The following TGFB2 variants were observed in gnomAD, a reference collection of about 807,000 sequenced individuals.
TGFB2 encodes the protein transforming growth factor beta 2.
In TGFB2, 13 loss-of-function variants were observed where a neutral mutation model predicts 42.7. That is an observed-to-expected ratio of 0.30 (90% CI 0.20 to 0.48). The LOEUF is 0.48. Ranked by LOEUF, TGFB2 falls within the 20% of genes least tolerant of loss-of-function variation. TGFB2 has a pLI of 0.99. For synonymous variants in TGFB2, 193 were observed against 193.6 expected, an observed-to-expected ratio of 1.00 and a Z score of 0.03; for missense variants, 390 against 517.5, an observed-to-expected ratio of 0.75 and a Z score of 2.39.
In TGFB2 at chr1:218,433,405, G is replaced by A. The variant is rs10482806; in HGVS notation, c.511-677G>A. 4.0e-3 allele frequency among the ~76,000 whole-genome samples: 614 copies of A among 152,290 alleles called. 4 individuals are homozygous for A. Among genetic ancestry groups the A allele is most frequent in the African/African-American group, 0.014 (595 of 41,550 alleles). ...TCCTAAAGCCTCAGTGTTTAGGCTG[G>A]TTTGCTTTCAGATATTCATCTATGC... On this transcript the variant is annotated intron_variant, in intron 2 of 6. Coordinates refer to ENST00000366930, the MANE Select transcript of TGFB2 (RefSeq NM_003238.6).
intron 2 of TGFB2, among the ~76,000 whole-genome samples, chr1:218,422,834 A>G (rs1328326153): frequency 6.6e-6 from 1 of 152,214 alleles, no homozygotes; most frequent in Non-Finnish European, 1.5e-5. Flanking sequence ...CCAGTGCTTA[A>G]TATTTGTTGA....
At chr1:218,386,749 T>C (rs568274576) in intron 1 of TGFB2, among the ~76,000 whole-genome samples, 6 of 152,358 alleles carry the variant, frequency 3.9e-5, no homozygotes, top group Admixed American at 3.9e-4. Context: ...AAAAGTCTTA[T>C]TGACATCAGA....
chr1:218,407,396 A>G (rs1658949256), intron 2 of TGFB2, among the ~76,000 whole-genome samples: 1 of 152,134 alleles, frequency 6.6e-6, no homozygotes, highest in African/African-American at 2.4e-5. Flanking sequence ...TTAAAGTACT[A>G]GTTCACATGT....
chr1:218,378,671 A>G (rs1571851238), intron 1 of TGFB2, among the ~76,000 whole-genome samples: 1 of 151,380 alleles, frequency 6.6e-6, no homozygotes, highest in East Asian at 2.0e-4. Flanking sequence ...GGGTGCAGGG[A>G]CCATAGCTCA....
intron 1 of TGFB2, among the ~76,000 whole-genome samples, chr1:218,390,356 T>C (rs530522198): frequency 3.4e-4 from 51 of 152,160 alleles, no homozygotes; most frequent in African/African-American, 1.2e-3. Flanking sequence ...AAAAACAGCT[T>C]ATTTTTTTCT....
intron 1 of TGFB2, among the ~76,000 whole-genome samples, chr1:218,403,302 CTG>C (rs1291315178): frequency 6.6e-6 from 1 of 152,046 alleles, no homozygotes; most frequent in Non-Finnish European, 1.5e-5. Flanking sequence ...ATGGAGGAGA[CTG>C]GTGTAGAAAT....
chr1:218,394,104 T>C (rs1364731724), intron 1 of TGFB2, among the ~76,000 whole-genome samples: 3 of 151,654 alleles, frequency 2.0e-5, no homozygotes, highest in Non-Finnish European at 4.4e-5. Flanking sequence ...AGAGACGGGG[T>C]TTCACTGCGT....
chr1:218,420,789 A>T (rs1460943341), intron 2 of TGFB2, among the ~76,000 whole-genome samples: 1 of 152,228 alleles, frequency 6.6e-6, no homozygotes, highest in African/African-American at 2.4e-5. Context: ...TGTACTGTAA[A>T]GCGAAAGAGT....
At chr1:218,375,438 T>TAA (rs11428925) in intron 1 of TGFB2, among the ~76,000 whole-genome samples, 2,660 of 141,304 alleles carry the variant, frequency 0.019, 77 homozygotes, top group African/African-American at 0.055. Context: ...GAGAGTTAAT[T>TAA]AAAAAAAAAA....
In TGFB2 at chr1:218,438,926, A is replaced by G. The variant is rs531478378; in HGVS notation, c.1086+1430A>G. On this transcript the variant is annotated intron_variant, in intron 6 of 6. Transcript: ENST00000366930. ...GTTCAAGACCAGCCTGGTCAAGATG[A>G]TGAAACCCCGTCTCTACTAAAAATA... 3.9e-5 allele frequency among the ~76,000 whole-genome samples: 6 copies of G among 152,096 alleles called. No individual in the cohort carries two copies. The East Asian group carries it at 1.2e-3, about 30-fold the overall frequency.
intron 5 of TGFB2, 136 bp from the exon 6 acceptor site, chr1:218,437,207 C>T: frequency 1.1e-6 from 1 of 872,830 alleles, no homozygotes; most frequent in Non-Finnish European, 1.7e-6. Flanking sequence ...AAAACCTGGC[C>T]CATGATATTT....
chr1:218,434,949 T>A (rs987767194), intron 4 of TGFB2, among the ~76,000 whole-genome samples: 2 of 152,160 alleles, frequency 1.3e-5, no homozygotes, highest in Admixed American at 1.3e-4. Context: ...TTCAAGTGGG[T>A]TCCTTATCAG....
intron 2 of TGFB2, among the ~76,000 whole-genome samples, chr1:218,428,718 A>G (rs1444065464): frequency 6.6e-6 from 1 of 152,138 alleles, no homozygotes; most frequent in African/African-American, 2.4e-5. Context: ...TACCAGCACC[A>G]TGCTTTTTTG....
intron 2 of TGFB2, among the ~76,000 whole-genome samples, chr1:218,417,215 A>C (rs1162396926): frequency 6.6e-6 from 1 of 152,222 alleles, no homozygotes; most frequent in Non-Finnish European, 1.5e-5. Context: ...TGGCTTTGAC[A>C]AAAATGCTGA....
At chr1:218,433,791 C>T (rs1307773802) in intron 2 of TGFB2, among the ~76,000 whole-genome samples, 3 of 152,314 alleles carry the variant, frequency 2.0e-5, no homozygotes, top group East Asian at 3.9e-4. Context: ...TCTTGCAAAG[C>T]TTATGTCAGC....
intron 1 of TGFB2, among the ~76,000 whole-genome samples, chr1:218,385,672 G>A (rs1386117840): frequency 6.6e-6 from 1 of 152,180 alleles, no homozygotes; most frequent in Non-Finnish European, 1.5e-5. Flanking sequence ...ATGGAGCATA[G>A]CAGGGGCCTC....
At chr1:218,426,506 G>A (rs994529321) in intron 2 of TGFB2, among the ~76,000 whole-genome samples, 2 of 152,078 alleles carry the variant, frequency 1.3e-5, no homozygotes, top group Non-Finnish European at 2.9e-5. Flanking sequence ...TCAATGAAGA[G>A]CTTGGAGCCT....
intron 1 of TGFB2, chr1:218,363,200 AGCAGGGACC>A: frequency 1.4e-6 from 1 of 719,942 alleles, no homozygotes; most frequent in South Asian, 1.9e-5. Flanking sequence ...GGCCCCAGGT[AGCAGGGACC>A]TTATTTCTGG....
At position 218,371,467 on chromosome 1, in the gene TGFB2, C is replaced by A. The variant is rs147718837; in HGVS notation, c.346+24420C>A. ...TATTTGGTTGGTTTTATAAGACATG[C>A]ATCATGTTATTTCCCTCCATTTTCA... is the stretch of plus-strand genomic sequence containing the variant. On this transcript the variant is annotated intron_variant, in intron 1 of 6. Transcript: ENST00000366930. Among the ~76,000 whole-genome samples, 592 of 152,274 alleles carry A rather than the reference C, an allele frequency of 3.9e-3. 7 individuals carry two copies. Among genetic ancestry groups the A allele is most frequent in the Non-Finnish European group, 4.6e-3 (315 of 68,028 alleles).
Sources: gnomAD v4.1 joint callset for allele counts (sites outside exome capture counted in the v4.1 genomes callset) on GRCh38, gnomAD v4.1.1 for gene constraint, MANE v1.5 for transcripts, NCBI Gene and HGNC (gene_info 2026-07-23, HGNC 2026-07-21) for gene names.